The following IGF2 variants were observed in gnomAD, a reference collection of about 807,000 sequenced individuals.
The protein encoded by IGF2 is insulin like growth factor 2.
IGF2 carries 2 observed loss-of-function variants against 12.0 expected under a neutral mutation model. That is an observed-to-expected ratio of 0.17 (90% CI 0.07 to 0.52). The LOEUF (loss-of-function observed/expected upper bound fraction) is 0.52. Among genes scored for constraint, IGF2 ranks in the 20% least tolerant of loss-of-function variants. The pLI, the probability that IGF2 is intolerant of heterozygous loss-of-function variation, is 0.95. For missense variants in IGF2, 211 were observed against 268.0 expected (o/e 0.79, Z 1.48); for synonymous variants, 105 against 110.1 (o/e 0.95, Z 0.29).
At chr11:2,147,551 GCCTGAGACACTCA>G in the IGF2 span, 1 of 1,111,236 alleles carries the variant, frequency 9.0e-7, no homozygotes, top group Middle Eastern at 3.3e-4. This position sits in a 1 kb window ranked among gnomAD's most constrained non-coding sequence, Gnocchi z 7.2. Flanking sequence ...GCCTCAGGGT[GCCTGAGACACTCA>G]CCTCTCTGCC....
At chr11:2,141,203 G>A (rs991790532), upstream of IGF2, 2 of 155,190 alleles carry the variant, frequency 1.3e-5, no homozygotes, top group African/African-American at 4.8e-5. Flanking sequence ...CCCGAAACCA[G>A]TGCCCGCTGT....
chr11:2,149,463 AC>A, the IGF2 span: 7 of 845,974 alleles, frequency 8.3e-6, no homozygotes, highest in Non-Finnish European at 1.3e-5. Flanking sequence ...TGATGGGTTT[AC>A]CCCTCACCTC....
At chr11:2,142,207 T>TAAA (rs56374651), upstream of IGF2, among the ~76,000 whole-genome samples, 1,074 of 145,644 alleles carry the variant, frequency 7.4e-3, 9 homozygotes, top group African/African-American at 0.024. The surrounding 1 kb of genome is among the most constrained non-coding windows in gnomAD (Gnocchi z 5.7). Context: ...AAATCAGTAT[T>TAAA]AAAAAAAAAA....
chr11:2,129,516 A>G lies in IGF2; in HGVS notation c.*3471T>C, dbSNP rs1213839846. The G allele has an allele frequency of 4.4e-6, 1 of 227,820 alleles. No individual in the cohort carries two copies. Among genetic ancestry groups the G allele is most frequent in the Non-Finnish European group, 8.7e-6 (1 of 114,570 alleles). The allele number at this position is 227,820 out of a possible 1,614,324, so 14.1% of individuals were successfully genotyped here. ...ACCCACTCCGGCGAGGCAGAATATA[A>G]CACTGGGTGGGTGGGTGTCCTGACG... On this transcript the variant is annotated 3_prime_UTR_variant, in exon 4 of 4. Transcript: ENST00000416167. This position sits in a 1 kb window ranked among gnomAD's most constrained non-coding sequence, Gnocchi z 8.1.
rs1200043624 is a variant in IGF2 at position 2,131,551 on chromosome 11, TGTGTGTGCTGTGTGTTTG to T, written c.*1418_*1435del. The T allele has an allele frequency of 2.1e-5, 4 of 189,718 alleles. No individual in the cohort carries two copies. In the South Asian group the frequency reaches 6.7e-4, roughly 32 times the overall value. 11.8% of individuals were successfully genotyped at this position (189,718 alleles called of 1,614,324 possible). A position where few individuals can be genotyped will look rare whatever the true frequency, so the allele number is the denominator to read the frequency against. ...CATGAGTGTGTGTGCTGTGTGTGCATGTGTGTGCTGTGTGTTTGTGTGTGTGCTGTGTTCATGTGTGCT... is the reference window on the plus strand; with the variant it reads ...CATGAGTGTGTGTGCTGTGTGTGCATTGTGTGTGCTGTGTTCATGTGTGCT... On this transcript the variant is annotated 3_prime_UTR_variant, in exon 4 of 4. Transcript: ENST00000416167.
In IGF2 at chr11:2,129,775, C is replaced by T. The variant is rs568313093; in HGVS notation, c.*3212G>A. ...AGCCTCAGGCCTCTAGACTGCTAGT[C>T]GGGCTGCGTGCAGGGGGGCTGAGCT... On this transcript the variant is annotated 3_prime_UTR_variant, in exon 4 of 4. Transcript: ENST00000416167. This position sits in a 1 kb window ranked among gnomAD's most constrained non-coding sequence, Gnocchi z 8.1. 30 of 231,870 alleles carry T rather than the reference C, an allele frequency of 1.3e-4. 1 individual carries two copies. The highest frequency in any genetic ancestry group is 5.1e-4 in the Admixed American group (9 of 17,756). 14.4% of individuals were successfully genotyped at this position (231,870 alleles called of 1,614,324 possible).
At chr11:2,140,046 G>T (rs1859451723), upstream of IGF2, 1 of 1,333,018 alleles carries the variant, frequency 7.5e-7, no homozygotes, top group Admixed American at 2.7e-5. Flanking sequence ...GGCTGCGCCG[G>T]GCCGAATCTG....
the IGF2 span, chr11:2,148,823 T>TC: frequency 4.8e-6 from 2 of 415,292 alleles, no homozygotes; most frequent in East Asian, 4.4e-5. This position sits in a 1 kb window ranked among gnomAD's most constrained non-coding sequence, Gnocchi z 4.3. Flanking sequence ...CTAGCCCTCC[T>TC]CCCCTACCCC....
chr11:2,143,503 G>T (rs1417965541), upstream of IGF2, among the ~76,000 whole-genome samples: 1 of 152,178 alleles, frequency 6.6e-6, no homozygotes, highest in Non-Finnish European at 1.5e-5. Context: ...CCACATCCTG[G>T]GGAGCCAGGC....
Position 2,131,428 on chromosome 11 carries a change from G to A in IGF2, c.*1559C>T, listed in dbSNP as rs866654379. The stretch of plus-strand genomic sequence containing the variant: ...TTCATCCAATTTTGTGGGGGTGTGC[G>A]TGTGTGTGCGCATGTGTGTGTGCAG... On this transcript the variant is annotated 3_prime_UTR_variant, in exon 4 of 4. Coordinates refer to ENST00000416167, the MANE Select transcript of IGF2 (RefSeq NM_000612.6). 6.9e-5 allele frequency: 16 copies of A among 231,980 alleles called. No individual in the cohort carries two copies. The highest frequency in any genetic ancestry group is 1.3e-3 in the Middle Eastern group (1 of 786). 14.4% of individuals were successfully genotyped at this position (231,980 alleles called of 1,614,324 possible).
rs1006752092 is a variant in IGF2, at chr11:2,132,928, G to A, written c.*59C>T. On this transcript the variant is annotated 3_prime_UTR_variant, in exon 4 of 4. Coordinates refer to ENST00000416167, the MANE Select transcript of IGF2 (RefSeq NM_000612.6). ...GGGATGGAACCTGATGGAAACGTCC[G>A]TGGTCAGGAGGAGGCTGCAGGATGG... is the stretch of plus-strand genomic sequence containing the variant. 12 of 1,167,484 alleles carry A rather than the reference G, an allele frequency of 1.0e-5. No homozygotes were observed. Among genetic ancestry groups the A allele is most frequent in the Admixed American group, 7.8e-5 (3 of 38,334 alleles). The allele number at this position is 1,167,484 out of a possible 1,614,324, so 72.3% of individuals were successfully genotyped here.
intron 1 of IGF2, among the ~76,000 whole-genome samples, chr11:2,138,009 C>G (rs1564898597): frequency 6.6e-6 from 1 of 152,170 alleles, no homozygotes; most frequent in Non-Finnish European, 1.5e-5. Flanking sequence ...CCCACCCCAC[C>G]CCCAGCTCCG....
At chr11:2,140,334 A>T (rs1315173211), upstream of IGF2, 3 of 1,583,906 alleles carry the variant, frequency 1.9e-6, no homozygotes, top group Non-Finnish European at 2.6e-6. Context: ...AAGCACTGTG[A>T]TTTTTACCAA....
Position 2,135,520 on chromosome 11 carries a change from C to T in IGF2, c.4G>A (p.Gly2Arg). 6.2e-7 allele frequency: 1 copy of T among 1,613,024 alleles called. No homozygotes were observed. Among genetic ancestry groups the T allele is most frequent in the Non-Finnish European group, 8.5e-7 (1 of 1,179,550 alleles). The change falls in exon 2 of 4, where the codon GGA (glycine) becomes AGA (arginine). Residue 2 changes from glycine to arginine, a missense_variant. By Grantham distance (125) the Gly-to-Arg change is moderately radical. This residue lies in a region of IGF2 where 40 missense variants were observed against 35.7 expected (regional missense o/e 1.12). Transcript: ENST00000416167. Reference sequence around the variant, plus strand: ...AGCATCGACTTCCCCATTGGGATTCCCATTGGTGTCTGGGGGCGGGAGAGA... The same window carrying T: ...AGCATCGACTTCCCCATTGGGATTCTCATTGGTGTCTGGGGGCGGGAGAGA... M[G>R]IPMGKSMLVL...
In IGF2 at chr11:2,133,391, A is replaced by G; in HGVS notation, c.306+126T>C. On this transcript the variant is annotated intron_variant, in intron 3 of 3. Transcript: ENST00000416167. The surrounding 1 kb of genome is among the most constrained non-coding windows in gnomAD (Gnocchi z 8.9). The stretch of plus-strand genomic sequence containing the variant: ...CGTCTGAGCTGCTCCCGGGCCACAC[A>G]GCAAGCAAGGAAGTCACGGGTCCTT... 1 of 1,171,552 alleles carries G rather than the reference A, an allele frequency of 8.5e-7. No individual in the cohort carries two copies. The highest frequency in any genetic ancestry group is 1.6e-5 in the South Asian group (1 of 62,832). 72.6% of individuals were successfully genotyped at this position (1,171,552 alleles called of 1,614,324 possible). A position where few individuals can be genotyped will look rare whatever the true frequency, so the allele number is the denominator to read the frequency against.
In IGF2 at chr11:2,131,072, T is replaced by C. The variant is rs566307265; in HGVS notation, c.*1915A>G. The C allele has an allele frequency of 4.8e-4, 112 of 232,100 alleles. No individual in the cohort carries two copies. The highest frequency in any genetic ancestry group is 2.3e-3 in the African/African-American group (106 of 45,272). 14.4% of individuals were successfully genotyped at this position (232,100 alleles called of 1,614,324 possible). A position where few individuals can be genotyped will look rare whatever the true frequency, so the allele number is the denominator to read the frequency against. On this transcript the variant is annotated 3_prime_UTR_variant, in exon 4 of 4. Transcript: ENST00000416167. ...AGGTGTATCGGGAATGGGTGGGGTA[T>C]GGGGAGCATCGTGGCTCACGCTGCG...
At chr11:2,137,704 G>A (rs147842989) in intron 1 of IGF2, among the ~76,000 whole-genome samples, 1 of 152,164 alleles carries the variant, frequency 6.6e-6, no homozygotes, top group Non-Finnish European at 1.5e-5. Flanking sequence ...AGAGCCAGAG[G>A]GGGTGTGGGG....
Position 2,135,385 on chromosome 11 carries a change from C to T in IGF2, c.139G>A (p.Asp47Asn). Reference protein sequence around the residue: ...LVDTLQFVCGDRGFYFSRPAS... With the variant: ...LVDTLQFVCGNRGFYFSRPAS... ...TACTTACTGAAGTAGAAGCCGCGGT[C>T]CCCACAGACGAACTGGAGGGTGTCC... Residue 47 changes from aspartate (D) to asparagine (N), a missense_variant, in exon 2 of 4, where the codon GAC becomes AAC. Around this residue, in one of 3 missense-constraint regions of IGF2, gnomAD observed 30 missense variants for 79.2 expected, o/e 0.38. Coordinates refer to ENST00000416167, the MANE Select transcript of IGF2 (RefSeq NM_000612.6). 7 of 1,613,058 alleles carry T rather than the reference C, an allele frequency of 4.3e-6. No individual in the cohort carries two copies. Among genetic ancestry groups the T allele is most frequent in the Non-Finnish European group, 5.9e-6 (7 of 1,179,616 alleles).
chr11:2,138,075 C>CG (rs1227345114), intron 1 of IGF2, among the ~76,000 whole-genome samples, 154 bp downstream of exon 1: 1 of 150,368 alleles, frequency 6.7e-6, no homozygotes, highest in African/African-American at 2.4e-5. Flanking sequence ...GCCGTCCGTC[C>CG]TCCTCCTCCT....
Sources: allele counts gnomAD v4.1 joint callset (sites outside exome capture counted in the v4.1 genomes callset), GRCh38; gene constraint gnomAD v4.1.1; regional missense constraint gnomAD v4.1.1; non-coding constraint Gnocchi (gnomAD v3.1); transcripts MANE v1.5; gene names NCBI Gene and HGNC (gene_info 2026-07-23, HGNC 2026-07-21).